The following PPP1R10 variants were observed in gnomAD, a reference collection of about 807,000 sequenced individuals.
The protein encoded by PPP1R10 is serine/threonine-protein phosphatase 1 regulatory subunit 10.
PPP1R10 carries 15 observed loss-of-function variants against 99.0 expected under a neutral mutation model. The ratio of observed to expected loss-of-function variants is 0.15; its 90% CI spans 0.10 to 0.23. The LOEUF (loss-of-function observed/expected upper bound fraction) is 0.23. PPP1R10 is among the 10% of genes least tolerant of loss of function. The pLI, the probability that PPP1R10 is intolerant of heterozygous loss-of-function variation, is 1.00. For synonymous variants in PPP1R10, 430 were observed against 449.5 expected, an observed-to-expected ratio of 0.96 and a Z score of 0.55; for missense variants, 947 against 1,259.4, an observed-to-expected ratio of 0.75 and a Z score of 3.75.
chr6:30,613,130 A>C (rs558696787), intron 2 of PPP1R10, among the ~76,000 whole-genome samples: 2 of 152,172 alleles, frequency 1.3e-5, no homozygotes, highest in Admixed American at 1.3e-4. Flanking sequence ...GGAATTTTCT[A>C]CCATTTTTAC....
chr6:30,602,269 C>T lies in PPP1R10; in HGVS notation c.2380G>A (p.Gly794Ser), dbSNP rs745573207. ...CCTTCGTGGGGACGATGTCCTCCAC[C>T]CCCACCCATGCTACCACCAGGGCCT... Reference protein sequence around the residue: ...HEGPGGSMGGGGGHRPHEGPG... With the variant: ...HEGPGGSMGGSGGHRPHEGPG... Residue 794 changes from glycine to serine, a missense_variant, in exon 19 of 20, where the codon GGT becomes AGT. Around this residue, in one of 10 missense-constraint regions of PPP1R10, gnomAD observed 525 missense variants for 578.8 expected, o/e 0.91. Transcript: ENST00000376511. The surrounding 1 kb of genome is among the most constrained non-coding windows in gnomAD (Gnocchi z 6.7). The T allele has an allele frequency of 2.5e-6, 4 of 1,611,848 alleles. No individual in the cohort carries two copies. The Admixed American group carries it at 6.7e-5, about 27-fold the overall frequency.
rs187886061 is a variant in PPP1R10, at chr6:30,610,380, G to T, written c.-11-425C>A. On this transcript the variant is annotated intron_variant, in intron 2 of 19. Transcript: ENST00000376511. The stretch of plus-strand genomic sequence containing the variant: ...GCTGATAAATTTGGCTTGAAAAACA[G>T]CCTATAGCTTGATAGAAATTGGGCC... Among the ~76,000 whole-genome samples the T allele has an allele frequency of 5.8e-3, 887 of 152,304 alleles. 5 individuals carry two copies. Among genetic ancestry groups the T allele is most frequent in the Non-Finnish European group, 0.01 (710 of 68,012 alleles).
chr6:30,602,671 C>T lies in PPP1R10; in HGVS notation c.1978G>A (p.Gly660Arg), dbSNP rs776061475. Residue 660 changes from glycine (G) to arginine (R), a missense_variant, in exon 19 of 20, where the codon GGG becomes AGG. Gly to Arg is a moderately radical substitution (Grantham distance 125). This residue lies in a region of PPP1R10 where 525 missense variants were observed against 578.8 expected (regional missense o/e 0.91). Transcript: ENST00000376511. The surrounding 1 kb of genome is among the most constrained non-coding windows in gnomAD (Gnocchi z 6.7). ...CCCAGAAGACGTGGACCCACTGGCC[C>T]ACCAGGGCCTCCATGGGGACCTGTA... The part of the protein sequence containing the change: ...PMPGPHGGPG[G>R]PVGPRLLGPP... 1.2e-6 allele frequency: 2 copies of T among 1,603,968 alleles called. No individual in the cohort carries two copies. The highest frequency in any genetic ancestry group is 1.7e-6 in the Non-Finnish European group (2 of 1,176,948).
At position 30,606,096 on chromosome 6, in the gene PPP1R10, C is replaced by A. The variant is rs1803916805; in HGVS notation, c.740+42G>T. ...TCACCCCCTCCTGCTCCCTTGTGTC[C>A]ACAGATCCACCCCATTCAGAGCCTG... On this transcript the variant is annotated intron_variant, in intron 9 of 19. Transcript: ENST00000376511. The surrounding 1 kb of genome is among the most constrained non-coding windows in gnomAD (Gnocchi z 6.3). 6.2e-7 allele frequency: 1 copy of A among 1,613,046 alleles called. No individual in the cohort carries two copies. Among genetic ancestry groups the A allele is most frequent in the Non-Finnish European group, 8.5e-7 (1 of 1,179,124 alleles).
chr6:30,603,557 A>G lies in PPP1R10; in HGVS notation c.1682T>C (p.Leu561Pro). Residue 561 changes from leucine (L) to proline (P), a missense_variant, in exon 16 of 20, where the codon CTT (leucine) becomes CCT (proline). Leu to Pro is a moderately conservative substitution (Grantham distance 98, BLOSUM62 -3). Transcript: ENST00000376511. The stretch of plus-strand genomic sequence containing the variant: ...CTTTCCAGCACCCATGCTTCCCATA[A>G]GATTGGCCAGAACTGGAGGCAACTT... ...GSKLPPVLAN[L>P]MGSMGAGKGP... 6.2e-7 allele frequency: 1 copy of G among 1,614,080 alleles called. No individual in the cohort carries two copies. Among genetic ancestry groups the G allele is most frequent in the Non-Finnish European group, 8.5e-7 (1 of 1,179,986 alleles).
chr6:30,616,203 C>T (rs1010452460), intron 2 of PPP1R10, among the ~76,000 whole-genome samples: 1 of 152,186 alleles, frequency 6.6e-6, no homozygotes, highest in Admixed American at 6.5e-5. Flanking sequence ...GGCTGGATTA[C>T]CAAGGGTTAA....
chr6:30,609,288 C>T lies in PPP1R10; in HGVS notation c.108-125G>A. ...GGACTTTGCTCCAGAGAAGGGGAGT[C>T]ACATATACCTCTAGGAAGATGGGAT... On this transcript the variant is annotated intron_variant, in intron 3 of 19. Transcript: ENST00000376511. This position sits in a 1 kb window ranked among gnomAD's most constrained non-coding sequence, Gnocchi z 4.5. 1.3e-6 allele frequency: 1 copy of T among 782,228 alleles called. No individual in the cohort carries two copies. Among genetic ancestry groups the T allele is most frequent in the East Asian group, 2.6e-5 (1 of 38,118 alleles). The allele number at this position is 782,228 out of a possible 1,614,324, so 48.5% of individuals were successfully genotyped here.
rs142981369 is a variant in PPP1R10 at position 30,601,827 on chromosome 6, C to T, written c.2713+109G>A. 1.3e-4 allele frequency: 173 copies of T among 1,378,240 alleles called. No individual in the cohort carries two copies. The African/African-American group carries it at 1.7e-3, about 13-fold the overall frequency. 85.4% of individuals were successfully genotyped at this position (1,378,240 alleles called of 1,614,324 possible). ...TATGCATACTAGGACATCAAAGAGA[C>T]GGGTACCTCACGTTCTGCCTAGCTA... On this transcript the variant is annotated intron_variant, in intron 19 of 19. Transcript: ENST00000376511.
chr6:30,611,801 T>C (rs541823965), intron 2 of PPP1R10, among the ~76,000 whole-genome samples: 1 of 152,110 alleles, frequency 6.6e-6, no homozygotes, highest in Admixed American at 6.5e-5. Context: ...CCCTGGAACC[T>C]CCACAAATAC....
chr6:30,612,938 A>G (rs1419322009), intron 2 of PPP1R10, among the ~76,000 whole-genome samples: 1 of 152,138 alleles, frequency 6.6e-6, no homozygotes. Context: ...CTGGAACCAC[A>G]AGTAATCCAC....
intron 2 of PPP1R10, chr6:30,614,657 T>G (rs1482902098): frequency 6.6e-6 from 1 of 152,144 alleles, no homozygotes; most frequent in Non-Finnish European, 1.5e-5. Context: ...TCCAAGTTAC[T>G]CTTGCAAGCC....
At position 30,602,066 on chromosome 6, in the gene PPP1R10, A is replaced by C. The variant is rs945697726; in HGVS notation, c.2583T>G (p.Pro861=). ...PGHGGPHGHR[P]HDVPGHRGHD... ...GGCCTCGGTGACCAGGGACATCATGAGGCCGGTGGCCATGGGGCCCCCCGT... is the reference window on the plus strand; with the variant it reads ...GGCCTCGGTGACCAGGGACATCATGCGGCCGGTGGCCATGGGGCCCCCCGT... The change falls in exon 19 of 20, where the codon CCT becomes CCG. Residue 861 remains proline (P), a synonymous_variant. Coordinates refer to ENST00000376511, the MANE Select transcript of PPP1R10 (RefSeq NM_002714.4). The surrounding 1 kb of genome is among the most constrained non-coding windows in gnomAD (Gnocchi z 6.7). 1 of 1,566,884 alleles carries C rather than the reference A, an allele frequency of 6.4e-7. No homozygotes were observed. The highest frequency in any genetic ancestry group is 8.7e-7 in the Non-Finnish European group (1 of 1,152,832).
chr6:30,610,053 A>G (rs981824306), intron 2 of PPP1R10, 98 bp from the exon 3 acceptor site: 1 of 750,840 alleles, frequency 1.3e-6, no homozygotes, highest in Non-Finnish European at 2.3e-6. Context: ...TATATTTGAC[A>G]AAGTATAATG....
In PPP1R10 at chr6:30,601,300, C is replaced by G; in HGVS notation, c.*249G>C. 1.9e-6 allele frequency: 1 copy of G among 520,908 alleles called. No individual in the cohort carries two copies. The highest frequency in any genetic ancestry group is 3.5e-5 in the Admixed American group (1 of 28,720). 32.3% of individuals were successfully genotyped at this position (520,908 alleles called of 1,614,324 possible). A position where few individuals can be genotyped will look rare whatever the true frequency, so the allele number is the denominator to read the frequency against. On this transcript the variant is annotated 3_prime_UTR_variant, in exon 20 of 20. Coordinates refer to ENST00000376511, the MANE Select transcript of PPP1R10 (RefSeq NM_002714.4). ...GAATCTTCTCAAAAAGTGAAGCCAA[C>G]TGGGTCTCCTCTTCAGCAGTCCAGG...
intron 2 of PPP1R10, among the ~76,000 whole-genome samples, chr6:30,616,249 CCT>C (rs574793201): frequency 1.3e-5 from 2 of 152,186 alleles, no homozygotes; most frequent in African/African-American, 2.4e-5. Flanking sequence ...CTCCCTCCAC[CCT>C]CTCTTTGCCT....
chr6:30,602,526 C>G lies in PPP1R10; in HGVS notation c.2123G>C (p.Gly708Ala). Residue 708 changes from glycine (G) to alanine (A), a missense_variant, in exon 19 of 20, where the codon GGT becomes GCT. Around this residue, in one of 10 missense-constraint regions of PPP1R10, gnomAD observed 525 missense variants for 578.8 expected, o/e 0.91. Coordinates refer to ENST00000376511, the MANE Select transcript of PPP1R10 (RefSeq NM_002714.4). The surrounding 1 kb of genome is among the most constrained non-coding windows in gnomAD (Gnocchi z 6.7). ...AGGAGGTTCGTTTCCTCCTCGGCCA[C>G]CTCGGCCTCTATGGTATGGTCCAGG... ...PGPGPYHRGR[G>A]GRGGNEPPPP... The G allele has an allele frequency of 6.4e-7, 1 of 1,572,386 alleles. No homozygotes were observed. Among genetic ancestry groups the G allele is most frequent in the Non-Finnish European group, 8.6e-7 (1 of 1,157,928 alleles).
Position 30,601,351 on chromosome 6 carries a change from A to C in PPP1R10, c.*198T>G. On this transcript the variant is annotated 3_prime_UTR_variant, in exon 20 of 20. Coordinates refer to ENST00000376511, the MANE Select transcript of PPP1R10 (RefSeq NM_002714.4). The stretch of plus-strand genomic sequence containing the variant: ...AACGTTTCCAGTCTCTCTCCTCCCC[A>C]GACTGGAGGAAAATATGTACATCAA... The C allele has an allele frequency of 1.7e-6, 1 of 584,408 alleles. No individual in the cohort carries two copies. Among genetic ancestry groups the C allele is most frequent in the South Asian group, 2.1e-5 (1 of 46,642 alleles). The allele number at this position is 584,408 out of a possible 1,614,324, so 36.2% of individuals were successfully genotyped here. A position where few individuals can be genotyped will look rare whatever the true frequency, so the allele number is the denominator to read the frequency against.
At chr6:30,605,508 G>A (rs1803839020) in intron 10 of PPP1R10, among the ~76,000 whole-genome samples, 1 of 152,034 alleles carries the variant, frequency 6.6e-6, no homozygotes, top group Non-Finnish European at 1.5e-5. Context: ...GAAAATGGAG[G>A]GAAATAATAA....
At chr6:30,611,543 C>T (rs1804558248) in intron 2 of PPP1R10, among the ~76,000 whole-genome samples, 2 of 152,268 alleles carry the variant, frequency 1.3e-5, no homozygotes, top group Middle Eastern at 3.4e-3. Context: ...TAAGACAATG[C>T]AAATTAGTTC....
Sources: allele counts gnomAD v4.1 joint callset (sites outside exome capture counted in the v4.1 genomes callset), GRCh38; gene constraint gnomAD v4.1.1; regional missense constraint gnomAD v4.1.1; non-coding constraint Gnocchi (gnomAD v3.1); transcripts MANE v1.5; gene names NCBI Gene and HGNC (gene_info 2026-07-23, HGNC 2026-07-21).